Variants in POLR2F observed in about 807,000 individuals in gnomAD.
POLR2F encodes the protein RNA polymerase II, I and III subunit F, also known as DNA-directed RNA polymerases I, II, and III subunit RPABC2.
POLR2F carries 12 observed loss-of-function variants against 22.7 expected under a neutral mutation model. The observed-to-expected ratio is 0.53, with a 90% CI of 0.34 to 0.86. The LOEUF (loss-of-function observed/expected upper bound fraction) is 0.86. Ranked by LOEUF, POLR2F falls within the 40% of genes least tolerant of loss-of-function variation. The pLI, the probability that POLR2F is intolerant of heterozygous loss-of-function variation, is 0.02. For synonymous variants in POLR2F, 57 were observed against 66.0 expected, an observed-to-expected ratio of 0.86 and a Z score of 0.66; for missense variants, 126 against 171.5, an observed-to-expected ratio of 0.73 and a Z score of 1.48.
At chr22:37,971,905 G>A (rs945012864), downstream of POLR2F, among the ~76,000 whole-genome samples, 4 of 151,916 alleles carry the variant, frequency 2.6e-5, no homozygotes, top group African/African-American at 9.7e-5. Flanking sequence ...CTGCAGTGTG[G>A]GGCATAGCCG....
At chr22:37,963,678 T>C (rs1391786966) in intron 3 of POLR2F, among the ~76,000 whole-genome samples, 2 of 152,188 alleles carry the variant, frequency 1.3e-5, no homozygotes, top group East Asian at 3.8e-4. Context: ...AGGCTAAAAG[T>C]GGCCCAGTAG....
Position 38,031,888 on chromosome 22 carries a change from C to T in POLR2F, c.453-9180C>T, listed in dbSNP as rs574648499. The stretch of plus-strand genomic sequence containing the variant: ...CCCTATGGCTAGTCATCGGCCATGA[C>T]AATTTTTCCTTCCAAACACATCCGT... On this transcript the variant is annotated intron_variant, in intron 5 of 5. Coordinates refer to the POLR2F transcript ENST00000407936. The surrounding 1 kb of genome is among the most constrained non-coding windows in gnomAD (Gnocchi z 4.1). Among the ~76,000 whole-genome samples the T allele has an allele frequency of 4.8e-4, 73 of 152,292 alleles. No individual in the cohort carries two copies. The South Asian group carries it at 0.015, about 31-fold the overall frequency.
At chr22:37,970,308 A>G (rs1294438762), downstream of POLR2F, among the ~76,000 whole-genome samples, 1 of 133,154 alleles carries the variant, frequency 7.5e-6, no homozygotes, top group African/African-American at 2.9e-5. Flanking sequence ...AAAAAAAAAG[A>G]GTGGAGATAA....
upstream of POLR2F, chr22:37,986,053 T>A: frequency 8.1e-7 from 1 of 1,231,588 alleles, no homozygotes; most frequent in Non-Finnish European, 1.0e-6. This position sits in a 1 kb window ranked among gnomAD's most constrained non-coding sequence, Gnocchi z 4.7. Flanking sequence ...GTGCCCAGAC[T>A]CTTGTTCGGG....
chr22:38,017,924 G>T lies in POLR2F; in HGVS notation c.121-7945G>T, dbSNP rs1371626893. ...ATTGGTTTCCTCACTTGTAAAATGG[G>T]CATGATTGTCCCTGCCCTCCTGCCA... On this transcript the variant is annotated intron_variant, in intron 1 of 2. Transcript: ENST00000333418. The surrounding 1 kb of genome is among the most constrained non-coding windows in gnomAD (Gnocchi z 4.1). Among the ~76,000 whole-genome samples, 2 of 152,196 alleles carry T rather than the reference G, an allele frequency of 1.3e-5. No individual in the cohort carries two copies. The highest frequency in any genetic ancestry group is 4.1e-4 in the South Asian group (2 of 4,824).
chr22:37,971,183 C>A (rs930494958), downstream of POLR2F: 1 of 467,518 alleles, frequency 2.1e-6, no homozygotes, highest in Non-Finnish European at 4.4e-6. Flanking sequence ...GGGCTGCAAA[C>A]CACAGGCAGG....
chr22:38,004,245 C>T (rs1435744028), intron 1 of POLR2F, among the ~76,000 whole-genome samples: 5 of 152,078 alleles, frequency 3.3e-5, no homozygotes, highest in Non-Finnish European at 7.4e-5. Flanking sequence ...CCTCCCACCT[C>T]CCTGAGATCC....
chr22:38,015,802 T>A (rs1208430935), intron 1 of POLR2F, among the ~76,000 whole-genome samples: 1 of 152,128 alleles, frequency 6.6e-6, no homozygotes. Flanking sequence ...GGTACCTTAT[T>A]TTTGTTTGTT....
Position 38,009,602 on chromosome 22 carries a change from C to CT in POLR2F, c.121-16266dup, listed in dbSNP as rs1555944131. Reference sequence around the variant, plus strand: ...ACATGTATGCATCACACATGAAACTCTATCACCACAATCAAGTAAACAAGT... The same window carrying CT: ...ACATGTATGCATCACACATGAAACTCTTATCACCACAATCAAGTAAACAAGT... On this transcript the variant is annotated intron_variant, in intron 1 of 2. Coordinates refer to the POLR2F transcript ENST00000333418. Among the ~76,000 whole-genome samples the CT allele has an allele frequency of 2.0e-5, 3 of 152,160 alleles. No homozygotes were observed. In the South Asian group the frequency reaches 6.2e-4, roughly 32 times the overall value.
Position 38,016,671 on chromosome 22 carries a change from A to G in POLR2F, c.121-9198A>G, listed in dbSNP as rs1601909371. Among the ~76,000 whole-genome samples the G allele has an allele frequency of 7.5e-6, 1 of 133,726 alleles. No homozygotes were observed. Among genetic ancestry groups the G allele is most frequent in the Non-Finnish European group, 1.6e-5 (1 of 64,352 alleles). The allele number at this position is 133,726 out of a possible 152,430, so 87.7% of individuals were successfully genotyped here. On this transcript the variant is annotated intron_variant, in intron 1 of 2. Transcript: ENST00000333418. The surrounding 1 kb of genome is among the most constrained non-coding windows in gnomAD (Gnocchi z 4.4). ...TATCTGGTTCCTCTTGTTTATGAGC[A>G]GGGCTCCTTTGGCAGCGGTTCCAGC...
Position 37,968,365 on chromosome 22 carries a change from C to G in POLR2F, c.*650C>G. ...TCCCCACTCCTCCTCAGGACTCTGC[C>G]CACACGCTGTCCTCTGTGGCCCACC... On this transcript the variant is annotated 3_prime_UTR_variant, in exon 5 of 5. Transcript: ENST00000442738. 2 of 985,878 alleles carry G rather than the reference C, an allele frequency of 2.0e-6. No individual in the cohort carries two copies. Among genetic ancestry groups the G allele is most frequent in the Non-Finnish European group, 2.4e-6 (2 of 830,120 alleles). 61.1% of individuals were successfully genotyped at this position (985,878 alleles called of 1,614,324 possible). A position where few individuals can be genotyped will look rare whatever the true frequency, so the allele number is the denominator to read the frequency against.
At chr22:38,033,415 C>T (rs1391110890) in intron 5 of POLR2F, among the ~76,000 whole-genome samples, 1 of 152,200 alleles carries the variant, frequency 6.6e-6, no homozygotes, top group Non-Finnish European at 1.5e-5. Context: ...ATCCCAGAGT[C>T]TAGAGGTTGC....
upstream of POLR2F, chr22:37,983,793 C>A: frequency 7.0e-7 from 1 of 1,427,866 alleles, no homozygotes; most frequent in South Asian, 1.3e-5. This position sits in a 1 kb window ranked among gnomAD's most constrained non-coding sequence, Gnocchi z 9.5. Context: ...ATGTCGCCCC[C>A]GGCCGCCGCC....
intron 1 of POLR2F, among the ~76,000 whole-genome samples, chr22:37,991,505 A>C (rs949954059): frequency 6.6e-6 from 1 of 152,248 alleles, no homozygotes; most frequent in African/African-American, 2.4e-5. Flanking sequence ...TAAATTCTGC[A>C]GTTAAAAACT....
chr22:37,977,823 C>T (rs1187587983), intron 4 of POLR2F: 10 of 1,581,096 alleles, frequency 6.3e-6, no homozygotes, highest in African/African-American at 2.7e-5. Flanking sequence ...CCTGTCTCCA[C>T]TGACTGGCCT....
chr22:38,024,311 A>C (rs1467512620), intron 1 of POLR2F, among the ~76,000 whole-genome samples: 1 of 152,156 alleles, frequency 6.6e-6, no homozygotes, highest in Non-Finnish European at 1.5e-5. Flanking sequence ...AATTATATGG[A>C]TATAACACAT....
At chr22:37,993,295 G>A (rs1285667583) in intron 1 of POLR2F, among the ~76,000 whole-genome samples, 1 of 152,166 alleles carries the variant, frequency 6.6e-6, no homozygotes, top group African/African-American at 2.4e-5. Context: ...ATGGGACCAA[G>A]TCTTCTCATT....
upstream of POLR2F, chr22:37,983,473 G>C: frequency 6.2e-7 from 1 of 1,612,320 alleles, no homozygotes; most frequent in Non-Finnish European, 8.5e-7. This position sits in a 1 kb window ranked among gnomAD's most constrained non-coding sequence, Gnocchi z 9.5. Context: ...TGGGCCGCTT[G>C]ACGTGCGGCT....
intron 5 of POLR2F, among the ~76,000 whole-genome samples, chr22:38,037,596 C>T (rs1193864999): frequency 7.1e-6 from 1 of 140,690 alleles, no homozygotes; most frequent in Non-Finnish European, 1.5e-5. Context: ...TTCCTATCTC[C>T]TTTTTTTTTT....
Sources: gnomAD v4.1 joint callset for allele counts (sites outside exome capture counted in the v4.1 genomes callset) on GRCh38, gnomAD v4.1.1 for gene constraint, Gnocchi (gnomAD v3.1) non-coding constraint, MANE v1.5 for transcripts, NCBI Gene and HGNC (gene_info 2026-07-23, HGNC 2026-07-21) for gene names.